Variants in ROBO2 observed in about 807,000 individuals in gnomAD.
ROBO2 encodes the protein roundabout homolog 2.
A neutral mutation model predicts 160.8 loss-of-function variants in ROBO2; 53 were observed. The observed-to-expected ratio is 0.33, with a 90% CI of 0.26 to 0.41. ROBO2 has a LOEUF of 0.41. Ranked by LOEUF, ROBO2 falls within the 10% of genes least tolerant of loss-of-function variation. The pLI, the probability that ROBO2 is intolerant of heterozygous loss-of-function variation, is 1.00. For synonymous variants in ROBO2, 664 were observed against 611.7 expected (o/e 1.09, Z -1.26); for missense variants, 1,577 against 1,722.4 (o/e 0.92, Z 1.49).
chr3:76,725,021 G>A (rs2093527605), intron 2 of ROBO2, among the ~76,000 whole-genome samples: 1 of 152,064 alleles, frequency 6.6e-6, no homozygotes, highest in Non-Finnish European at 1.5e-5. Flanking sequence ...TCTCTGCAGG[G>A]AACATATCCC....
At position 77,098,858 on chromosome 3, in the gene ROBO2, A is replaced by AC. The variant is rs1204646683; in HGVS notation, c.388+518_388+519insC. On this transcript the variant is annotated intron_variant, in intron 2 of 25. Transcript: ENST00000461745. ...GCGACAGAGCGAGACTCCGTCTCAA[A>AC]AAAACAAACAAACAAACAAACAAAC... Among the ~76,000 whole-genome samples the AC allele has an allele frequency of 4.6e-3, 576 of 124,704 alleles. 2 individuals carry two copies. The highest frequency in any genetic ancestry group is 5.7e-3 in the African/African-American group (117 of 20,434). 81.8% of individuals were successfully genotyped at this position (124,704 alleles called of 152,430 possible).
intron 2 of ROBO2, among the ~76,000 whole-genome samples, chr3:76,492,713 C>CT (rs36037421): frequency 2.1e-4 from 32 of 150,846 alleles, no homozygotes; most frequent in African/African-American, 3.6e-4. Context: ...CTATATACAG[C>CT]TTTTTTTTTA....
At chr3:76,798,639 C>G (rs1023909943) in intron 2 of ROBO2, among the ~76,000 whole-genome samples, 2 of 152,138 alleles carry the variant, frequency 1.3e-5, no homozygotes, top group Non-Finnish European at 2.9e-5. Context: ...TGCCTATAAT[C>G]CCAACACTTT....
chr3:77,142,524 T>A (rs1276344311), intron 2 of ROBO2, among the ~76,000 whole-genome samples: 1 of 152,122 alleles, frequency 6.6e-6, no homozygotes, highest in Non-Finnish European at 1.5e-5. Flanking sequence ...TAAAAAGCAG[T>A]TTTGTCAGGT....
At chr3:76,367,312 T>C (rs1269482382) in intron 2 of ROBO2, among the ~76,000 whole-genome samples, 1 of 152,062 alleles carries the variant, frequency 6.6e-6, no homozygotes, top group Admixed American at 6.6e-5. Flanking sequence ...TGCCTGTAGT[T>C]ATATACACAA....
chr3:76,453,369 C>T (rs11707196), intron 2 of ROBO2, among the ~76,000 whole-genome samples: 3 of 152,056 alleles, frequency 2.0e-5, no homozygotes, highest in Non-Finnish European at 4.4e-5. Context: ...TGTAAGGAAG[C>T]GATCCAGTTT....
At chr3:75,954,605 T>C (rs1387441126) in intron 2 of ROBO2, among the ~76,000 whole-genome samples, 2 of 151,768 alleles carry the variant, frequency 1.3e-5, no homozygotes, top group African/African-American at 4.8e-5. Flanking sequence ...AGAAAAGAAG[T>C]TCAAAACAAA....
chr3:77,555,096 C>CA (rs2093063167), intron 8 of ROBO2, among the ~76,000 whole-genome samples: 1 of 151,938 alleles, frequency 6.6e-6, no homozygotes, highest in South Asian at 2.1e-4. Context: ...CCTCCATCAC[C>CA]AAAAAGATTA....
chr3:77,035,675 A>G (rs2063591078), upstream of ROBO2, among the ~76,000 whole-genome samples: 1 of 151,972 alleles, frequency 6.6e-6, no homozygotes, highest in African/African-American at 2.4e-5. Context: ...GAATCAAATC[A>G]GATACTTAGA....
rs2073446120 is a variant in ROBO2 at position 76,882,420 on chromosome 3, G to T, written c.110-215594G>T. On this transcript the variant is annotated intron_variant, in intron 2 of 26. Transcript: ENST00000487694. ...AAGTTCACATTTAGCACATTTGAAG[G>T]TGTAATGTCATCACTCCTCTTTCAG... Among the ~76,000 whole-genome samples, 3 of 151,884 alleles carry T rather than the reference G, an allele frequency of 2.0e-5. No individual in the cohort carries two copies. The South Asian group carries it at 6.2e-4, about 32-fold the overall frequency.
At chr3:76,091,883 A>C (rs1054119806) in intron 2 of ROBO2, among the ~76,000 whole-genome samples, 2 of 152,194 alleles carry the variant, frequency 1.3e-5, no homozygotes, top group South Asian at 4.1e-4. Flanking sequence ...AAAAGTATAG[A>C]GATAGTAAAA....
chr3:77,094,680 C>A (rs375207016), intron 1 of ROBO2, among the ~76,000 whole-genome samples: 3 of 152,134 alleles, frequency 2.0e-5, no homozygotes, highest in Non-Finnish European at 4.4e-5. Context: ...TTTTTCCAAA[C>A]CCTTGACAAT....
intron 2 of ROBO2, among the ~76,000 whole-genome samples, chr3:76,881,948 G>A (rs1444320042): frequency 2.0e-5 from 3 of 151,962 alleles, no homozygotes; most frequent in Non-Finnish European, 2.9e-5. Context: ...TTGTGTGTGT[G>A]TATGTGTGTC....
At chr3:76,201,858 A>T (rs1559635475) in intron 2 of ROBO2, among the ~76,000 whole-genome samples, 1 of 143,396 alleles carries the variant, frequency 7.0e-6, no homozygotes, top group Non-Finnish European at 1.5e-5. Flanking sequence ...GTTCATGCTT[A>T]CTTGACATGG....
chr3:77,134,053 G>A (rs1373461837), intron 2 of ROBO2, among the ~76,000 whole-genome samples: 1 of 152,134 alleles, frequency 6.6e-6, no homozygotes, highest in African/African-American at 2.4e-5. Flanking sequence ...GCACATGCCT[G>A]TAATCCCAAC....
chr3:77,391,848 C>A (rs781740001), intron 2 of ROBO2, among the ~76,000 whole-genome samples: 2 of 152,228 alleles, frequency 1.3e-5, no homozygotes, highest in Non-Finnish European at 2.9e-5. Context: ...GCATGAGCCA[C>A]CATTCCTGGC....
intron 2 of ROBO2, among the ~76,000 whole-genome samples, chr3:76,635,496 G>A (rs575684376): frequency 2.0e-5 from 3 of 152,310 alleles, no homozygotes; most frequent in East Asian, 3.9e-4. Flanking sequence ...CATATTGTAC[G>A]TAAATGGCTG....
chr3:76,676,675 A>G (rs1317920433), intron 2 of ROBO2, among the ~76,000 whole-genome samples: 1 of 152,048 alleles, frequency 6.6e-6, no homozygotes, highest in Non-Finnish European at 1.5e-5. Context: ...ATTTCATGCC[A>G]TGCCCCAAGT....
chr3:77,225,723 A>G (rs985269461), intron 2 of ROBO2, among the ~76,000 whole-genome samples: 1 of 152,068 alleles, frequency 6.6e-6, no homozygotes, highest in African/African-American at 2.4e-5. Context: ...TGCATGTAAT[A>G]GTGTATTAAA....
Sources: allele counts gnomAD v4.1 joint callset (sites outside exome capture counted in the v4.1 genomes callset), GRCh38; gene constraint gnomAD v4.1.1; transcripts MANE v1.5; gene names NCBI Gene and HGNC (gene_info 2026-07-23, HGNC 2026-07-21).